The following MDN1 variants were observed in gnomAD, a reference collection of about 807,000 sequenced individuals.
MDN1 encodes midasin AAA ATPase 1.
MDN1 carries 266 observed loss-of-function variants against 669.2 expected under a neutral mutation model. That is an observed-to-expected ratio of 0.40 (90% CI 0.36 to 0.44). The LOEUF (loss-of-function observed/expected upper bound fraction) is 0.44, where lower values mean the gene tolerates loss of function less well. Ranked by LOEUF, MDN1 falls within the 20% of genes least tolerant of loss-of-function variation. The pLI, the probability that MDN1 is intolerant of heterozygous loss-of-function variation, is 1.00. For missense variants in MDN1, 5,940 were observed against 6,754.0 expected, an observed-to-expected ratio of 0.88 and a Z score of 4.22; for synonymous variants, 2,385 against 2,457.1, an observed-to-expected ratio of 0.97 and a Z score of 0.87.
At chr6:89,813,959 G>A (rs1473844233) in intron 1 of MDN1, among the ~76,000 whole-genome samples, 2 of 151,724 alleles carry the variant, frequency 1.3e-5, no homozygotes, top group African/African-American at 4.8e-5. Flanking sequence ...CAGACGCGGT[G>A]GCATGCCTAT....
intron 49 of MDN1, 50 bp from the exon 50 acceptor site, chr6:89,710,844 A>G (rs1813855592): frequency 9.0e-7 from 1 of 1,108,704 alleles, no homozygotes; most frequent in South Asian, 1.5e-5. Flanking sequence ...GTGCTATCCA[A>G]TTGAACGTTC....
intron 1 of MDN1, among the ~76,000 whole-genome samples, chr6:89,813,557 A>C (rs1489336748): frequency 6.6e-6 from 1 of 151,430 alleles, no homozygotes; most frequent in Non-Finnish European, 1.5e-5. Context: ...CTCAAAAAAA[A>C]AAAAAAAAAC....
chr6:89,723,751 A>G, intron 38 of MDN1, 132 bp from the exon 39 acceptor site: 1 of 492,102 alleles, frequency 2.0e-6, no homozygotes, highest in Non-Finnish European at 3.4e-6. Flanking sequence ...ATTTTCAGTT[A>G]TAGAAATTTC....
chr6:89,684,324 C>G (rs1166029178), intron 71 of MDN1, among the ~76,000 whole-genome samples: 2 of 146,238 alleles, frequency 1.4e-5, no homozygotes, highest in African/African-American at 5.1e-5. Flanking sequence ...GCCTAGGCAA[C>G]AGAGTTGAGA....
intron 2 of MDN1, among the ~76,000 whole-genome samples, chr6:89,796,626 T>G (rs1209030336): frequency 6.6e-6 from 1 of 152,194 alleles, no homozygotes; most frequent in Admixed American, 6.6e-5. Context: ...CGGGAGATGC[T>G]GATAATGGCG....
At chr6:89,701,412 A>G in intron 55 of MDN1, 146 bp downstream of exon 55, 1 of 1,049,602 alleles carries the variant, frequency 9.5e-7, no homozygotes, top group Non-Finnish European at 1.4e-6. Flanking sequence ...CCTGGAACCA[A>G]TCACCCCCAG....
At chr6:89,659,409 A>G (rs1421643690) in intron 88 of MDN1, among the ~76,000 whole-genome samples, 1 of 152,186 alleles carries the variant, frequency 6.6e-6, no homozygotes, top group African/African-American at 2.4e-5. Context: ...ACACAGCAAC[A>G]TATATTCTGT....
At chr6:89,751,356 A>G (rs754276258) in intron 23 of MDN1, 75 bp downstream of exon 23, 6 of 1,546,230 alleles carry the variant, frequency 3.9e-6, no homozygotes, top group Non-Finnish European at 5.3e-6. Context: ...TTGAAAGTTA[A>G]GGAAGTTAGA....
intron 15 of MDN1, among the ~76,000 whole-genome samples, chr6:89,763,939 G>A (rs1817680217): frequency 6.6e-6 from 1 of 152,156 alleles, no homozygotes; most frequent in Non-Finnish European, 1.5e-5. Context: ...CTGAGGCCAG[G>A]CACAGTGGCT....
At chr6:89,717,397 A>G (rs1018844775) in intron 43 of MDN1, among the ~76,000 whole-genome samples, 3 of 152,312 alleles carry the variant, frequency 2.0e-5, no homozygotes, top group African/African-American at 4.8e-5. Flanking sequence ...CCATAGTCCA[A>G]CCACTTGCTA....
intron 90 of MDN1, among the ~76,000 whole-genome samples, chr6:89,657,068 C>T (rs769108578): frequency 6.6e-6 from 1 of 152,200 alleles, no homozygotes; most frequent in Non-Finnish European, 1.5e-5. Flanking sequence ...TTATGTCTCA[C>T]TCCAAAGACA....
intron 7 of MDN1, among the ~76,000 whole-genome samples, chr6:89,788,814 G>A (rs1414324927): frequency 2.6e-5 from 4 of 152,186 alleles, no homozygotes; most frequent in Non-Finnish European, 5.9e-5. Flanking sequence ...CTAAGACAAT[G>A]GGATAAGAAC....
intron 1 of MDN1, among the ~76,000 whole-genome samples, chr6:89,814,181 T>C (rs1423528152): frequency 6.6e-6 from 1 of 152,142 alleles, no homozygotes; most frequent in Non-Finnish European, 1.5e-5. Flanking sequence ...CCTGAAACAC[T>C]AGTTCAGGCC....
intron 13 of MDN1, among the ~76,000 whole-genome samples, chr6:89,773,221 A>G (rs534208851): frequency 6.6e-6 from 1 of 152,192 alleles, no homozygotes; most frequent in South Asian, 2.1e-4. Flanking sequence ...TGGTGTCCTT[A>G]TAAGAGGAAG....
At position 89,657,300 on chromosome 6, in the gene MDN1, G is replaced by A. The variant is rs140727291; in HGVS notation, c.15184-499C>T. On this transcript the variant is annotated intron_variant, in intron 90 of 101. Transcript: ENST00000369393. ...ATATTTGTGGTGGTGGTAGTCATACGGTATAAGCAATATAAATGGTTGTTA... is the reference window on the plus strand; with the variant it reads ...ATATTTGTGGTGGTGGTAGTCATACAGTATAAGCAATATAAATGGTTGTTA... Among the ~76,000 whole-genome samples, 204 of 152,236 alleles carry A rather than the reference G, an allele frequency of 1.3e-3. 1 individual carries two copies. The highest frequency in any genetic ancestry group is 4.6e-3 in the African/African-American group (193 of 41,530).
chr6:89,740,540 C>T (rs999764995), intron 31 of MDN1, among the ~76,000 whole-genome samples, 162 bp from the exon 32 acceptor site: 3 of 152,062 alleles, frequency 2.0e-5, no homozygotes, highest in African/African-American at 7.2e-5. Context: ...CTCACTATCC[C>T]AATTTCTGTG....
chr6:89,815,474 G>A (rs772404031), intron 1 of MDN1: 11 of 322,574 alleles, frequency 3.4e-5, no homozygotes, highest in East Asian at 1.0e-4. Context: ...GCTTCCTGGC[G>A]GAAGCTCCCA....
chr6:89,818,610 G>C (rs1393107341), intron 1 of MDN1, among the ~76,000 whole-genome samples: 1 of 151,832 alleles, frequency 6.6e-6, no homozygotes, highest in East Asian at 1.9e-4. Context: ...AAGAGATCGA[G>C]ACCATCCTGG....
chr6:89,735,330 T>C (rs1251765397), intron 33 of MDN1, among the ~76,000 whole-genome samples: 3 of 146,534 alleles, frequency 2.0e-5, no homozygotes, highest in African/African-American at 5.0e-5. Flanking sequence ...CTTTCACAGG[T>C]CAATTTTTTT....
Sources: gnomAD v4.1 joint callset for allele counts (sites outside exome capture counted in the v4.1 genomes callset) on GRCh38, gnomAD v4.1.1 for gene constraint, MANE v1.5 for transcripts, NCBI Gene and HGNC (gene_info 2026-07-23, HGNC 2026-07-21) for gene names.